Variants in PKHD1L1 observed in about 807,000 individuals in gnomAD.
PKHD1L1 encodes PKHD1 like 1.
PKHD1L1 carries 434 observed loss-of-function variants against 462.9 expected under a neutral mutation model. That is an observed-to-expected ratio of 0.94 (90% CI 0.87 to 1.02). The LOEUF is 1.02. Among genes scored for constraint, PKHD1L1 ranks in the 50% least tolerant of loss-of-function variants. The pLI is 0.00. For missense variants in PKHD1L1, 5,202 were observed against 5,096.1 expected (o/e 1.02, Z -0.63); for synonymous variants, 1,781 against 1,750.0 (o/e 1.02, Z -0.44).
At chr8:109,400,601 CT>C (rs1813224884) in intron 13 of PKHD1L1, among the ~76,000 whole-genome samples, 2 of 76,090 alleles carry the variant, frequency 2.6e-5, no homozygotes, top group Admixed American at 3.9e-4. Flanking sequence ...TAAAATTCAT[CT>C]CTCTATTTTT....
At chr8:109,440,950 C>T (rs1314816856) in intron 33 of PKHD1L1, 98 bp downstream of exon 33, 12 of 1,364,350 alleles carry the variant, frequency 8.8e-6, no homozygotes, top group Non-Finnish European at 1.2e-5. Flanking sequence ...TAAATCACAG[C>T]TTTATTTTTC....
At chr8:109,514,155 G>A (rs948198220) in intron 71 of PKHD1L1, among the ~76,000 whole-genome samples, 5 of 151,844 alleles carry the variant, frequency 3.3e-5, no homozygotes, top group African/African-American at 9.7e-5. Context: ...CTACCCTCCC[G>A]GGCCTATGTT....
At chr8:109,475,330 T>A in intron 51 of PKHD1L1, 61 bp downstream of exon 51, 1 of 1,257,930 alleles carries the variant, frequency 7.9e-7, no homozygotes, top group Non-Finnish European at 1.1e-6. Flanking sequence ...GCCTACATCC[T>A]CATACTTACT....
chr8:109,412,844 G>T (rs1398306172), intron 20 of PKHD1L1, among the ~76,000 whole-genome samples: 4 of 151,978 alleles, frequency 2.6e-5, no homozygotes, highest in Non-Finnish European at 5.9e-5. Context: ...TTTAGTGAGG[G>T]TATTTAACAC....
chr8:109,472,579 C>T lies in PKHD1L1; in HGVS notation c.8606-2539C>T, dbSNP rs149609960. On this transcript the variant is annotated intron_variant, in intron 50 of 77. Transcript: ENST00000378402. Reference sequence around the variant, plus strand: ...CAGATCTACAAACTTATCTTTCTGACGCCGCAAGGCTCAACGCAGGACATT... The same window carrying T: ...CAGATCTACAAACTTATCTTTCTGATGCCGCAAGGCTCAACGCAGGACATT... Among the ~76,000 whole-genome samples the T allele has an allele frequency of 4.5e-3, 683 of 152,224 alleles. 5 individuals carry two copies. The highest frequency in any genetic ancestry group is 0.015 in the African/African-American group (629 of 41,540).
Position 109,523,238 on chromosome 8 carries a change from CTG to C in PKHD1L1, c.12340_12341del (p.Val4114IlefsTer18), listed in dbSNP as rs768669129. ...SVKATDSDGN[C>X]VSVGITALTL... The stretch of plus-strand genomic sequence containing the variant: ...TACTTTTTTTTTTTTTTTAGGGTAA[CTG>C]TGTATCAGTTGGAATTACTGCACTA... On this transcript the variant is annotated frameshift_variant, in exon 76 of 78. Transcript: ENST00000378402. LOFTEE classifies it high-confidence loss of function. 6.3e-6 allele frequency: 10 copies of C among 1,578,244 alleles called. No individual in the cohort carries two copies. In the South Asian group the frequency reaches 8.0e-5, roughly 13 times the overall value.
At position 109,497,031 on chromosome 8, in the gene PKHD1L1, C is replaced by T. The variant is rs770634322; in HGVS notation, c.10440C>T (p.Thr3480=). The T allele has an allele frequency of 4.3e-6, 7 of 1,613,520 alleles. No individual in the cohort carries two copies. Among genetic ancestry groups the T allele is most frequent in the Non-Finnish European group, 4.2e-6 (5 of 1,179,572 alleles). ...GATGTTCTCTTATACAAGGATTTAC[C>T]ATTTGGACATGCTGGGATTATGGAA... The part of the protein sequence containing the change: ...LPGCSLIQGF[T]IWTCWDYGIY... The change falls in exon 64 of 78, where the codon ACC becomes ACT. Residue 3480 remains threonine (T), a synonymous_variant. Transcript: ENST00000378402.
chr8:109,513,487 A>G (rs964243976), intron 71 of PKHD1L1, among the ~76,000 whole-genome samples: 2 of 152,136 alleles, frequency 1.3e-5, no homozygotes, highest in Non-Finnish European at 2.9e-5. Flanking sequence ...TAGAAACTGA[A>G]CTCAGCCAGG....
chr8:109,520,362 G>A (rs1039127003), intron 73 of PKHD1L1, among the ~76,000 whole-genome samples: 3 of 151,970 alleles, frequency 2.0e-5, no homozygotes, highest in African/African-American at 7.2e-5. Context: ...CGTGTCGTGA[G>A]GTCCAAAATT....
At chr8:109,406,674 C>T (rs1813554625) in intron 17 of PKHD1L1, among the ~76,000 whole-genome samples, 196 bp downstream of exon 17, 1 of 152,144 alleles carries the variant, frequency 6.6e-6, no homozygotes, top group Non-Finnish European at 1.5e-5. Context: ...GAGAAATGCA[C>T]TATACATACT....
chr8:109,404,656 T>C lies in PKHD1L1; in HGVS notation c.1476T>C (p.Asp492=), dbSNP rs1392510191. 2 of 1,608,666 alleles carry C rather than the reference T, an allele frequency of 1.2e-6. No individual in the cohort carries two copies. Among genetic ancestry groups the C allele is most frequent in the Non-Finnish European group, 1.7e-6 (2 of 1,177,262 alleles). ...RNVYTEQQTG[D]AVNEEQVIKS... ...TTTATACTGAACAACAAACAGGAGA[T>C]GCAGTGAATGAAGAACAAGTTATCA... is the stretch of plus-strand genomic sequence containing the variant. The change falls in exon 15 of 78, where the codon GAT becomes GAC. Residue 492 remains aspartate (D), a synonymous_variant. Coordinates refer to ENST00000378402, the MANE Select transcript of PKHD1L1 (RefSeq NM_177531.6).
Position 109,465,205 on chromosome 8 carries a change from A to G in PKHD1L1, c.8373A>G (p.Glu2791=). ...HTPNKAGFRW[E]HEMVMIDVDG... ...CGAACAAGGCTGGCTTTCGCTGGGA[A>G]CATGAAATGGTAATGATTGATGTTG... is the stretch of plus-strand genomic sequence containing the variant. Residue 2791 remains glutamate (E), a synonymous_variant, in exon 49 of 78, where the codon GAA becomes GAG. Coordinates refer to ENST00000378402, the MANE Select transcript of PKHD1L1 (RefSeq NM_177531.6). The G allele has an allele frequency of 6.2e-7, 1 of 1,613,636 alleles. No homozygotes were observed.
At chr8:109,430,715 T>C (rs1815050956) in intron 27 of PKHD1L1, among the ~76,000 whole-genome samples, 1 of 152,150 alleles carries the variant, frequency 6.6e-6, no homozygotes, top group African/African-American at 2.4e-5. Context: ...TCTTGGTGGA[T>C]AGTAGGAAAA....
intron 9 of PKHD1L1, 134 bp from the exon 10 acceptor site, chr8:109,394,281 A>G (rs1267155884): frequency 3.8e-6 from 2 of 531,056 alleles, no homozygotes; most frequent in African/African-American, 3.9e-5. Context: ...CAAAATAAAG[A>G]ACATTCTTAT....
At chr8:109,511,894 G>A (rs535577570) in intron 71 of PKHD1L1, among the ~76,000 whole-genome samples, 1 of 152,284 alleles carries the variant, frequency 6.6e-6, no homozygotes, top group African/African-American at 2.4e-5. Flanking sequence ...ATTCTAACTG[G>A]TGTGAGATGG....
At chr8:109,383,417 T>A (rs183537195) in intron 4 of PKHD1L1, among the ~76,000 whole-genome samples, 2,076 of 120,724 alleles carry the variant, frequency 0.017, 24 homozygotes, top group Middle Eastern at 0.036. Flanking sequence ...AATTATATAT[T>A]ATATATAATA....
At chr8:109,370,412 C>A (rs1013430145) in intron 2 of PKHD1L1, among the ~76,000 whole-genome samples, 2 of 151,942 alleles carry the variant, frequency 1.3e-5, no homozygotes, top group African/African-American at 2.4e-5. Flanking sequence ...CCGCACCTGG[C>A]CTCTGTGTTA....
At chr8:109,415,864 G>GGGT (rs1412111334) in intron 21 of PKHD1L1, among the ~76,000 whole-genome samples, 18 of 100,420 alleles carry the variant, frequency 1.8e-4, no homozygotes, top group African/African-American at 5.9e-4. Flanking sequence ...AAAAAAAAGG[G>GGGT]GTGTGTGTGT....
intron 2 of PKHD1L1, among the ~76,000 whole-genome samples, chr8:109,380,398 T>A (rs1046425308): frequency 2.6e-5 from 4 of 152,174 alleles, no homozygotes; most frequent in Admixed American, 6.5e-5. Context: ...CTAACTCTAG[T>A]TAGAGCTGTG....
Sources: gnomAD v4.1 joint callset for allele counts (sites outside exome capture counted in the v4.1 genomes callset) on GRCh38, gnomAD v4.1.1 for gene constraint, MANE v1.5 for transcripts, NCBI Gene and HGNC (gene_info 2026-07-23, HGNC 2026-07-21) for gene names.